Variants in XPO4 observed in about 807,000 individuals in gnomAD.
XPO4 encodes the protein exportin-4.
XPO4 carries 39 observed loss-of-function variants against 143.0 expected under a neutral mutation model. The ratio of observed to expected loss-of-function variants is 0.27; its 90% CI spans 0.21 to 0.36. XPO4 has a LOEUF of 0.36. Among genes scored for constraint, XPO4 ranks in the 10% least tolerant of loss-of-function variants. The pLI is 1.00. For synonymous variants in XPO4, 439 were observed against 474.0 expected, an observed-to-expected ratio of 0.93 and a Z score of 0.96; for missense variants, 907 against 1,348.0, an observed-to-expected ratio of 0.67 and a Z score of 5.12.
At chr13:20,814,781 T>C (rs1307975771) in intron 9 of XPO4, among the ~76,000 whole-genome samples, 2 of 152,198 alleles carry the variant, frequency 1.3e-5, no homozygotes, top group East Asian at 3.8e-4. Context: ...TTGACCCCAC[T>C]TTACTCCATC....
chr13:20,832,373 C>T (rs1223877022), intron 6 of XPO4, among the ~76,000 whole-genome samples: 4 of 152,146 alleles, frequency 2.6e-5, no homozygotes, highest in East Asian at 1.9e-4. Flanking sequence ...GTAAGGGTAT[C>T]GTTTTGTGAT....
rs955953026 is a variant in XPO4 at position 20,778,576 on chromosome 13, G to A, written c.*5146C>T. 6.6e-6 allele frequency: 1 copy of A among 152,056 alleles called. No individual in the cohort carries two copies. The highest frequency in any genetic ancestry group is 1.5e-5 in the Non-Finnish European group (1 of 67,988). The allele number at this position is 152,056 out of a possible 1,614,324, so 9.4% of individuals were successfully genotyped here. On this transcript the variant is annotated 3_prime_UTR_variant, in exon 23 of 23. Coordinates refer to ENST00000255305, the MANE Select transcript of XPO4 (RefSeq NM_022459.5). ...AGATAATGACTTAACTAGTAACTGTGAAACTGTTTCTAAGACTGTGGGCTG... is the reference window on the plus strand; with the variant it reads ...AGATAATGACTTAACTAGTAACTGTAAAACTGTTTCTAAGACTGTGGGCTG...
chr13:20,819,416 C>T (rs1287974320), intron 9 of XPO4, among the ~76,000 whole-genome samples: 1 of 152,082 alleles, frequency 6.6e-6, no homozygotes, highest in Non-Finnish European at 1.5e-5. Context: ...AATCCTAGCA[C>T]TTTGGGAGGC....
chr13:20,886,300 T>A (rs1459280403), intron 1 of XPO4, among the ~76,000 whole-genome samples: 1 of 147,332 alleles, frequency 6.8e-6, no homozygotes, highest in African/African-American at 2.5e-5. Flanking sequence ...TGAAAAAAAA[T>A]CATAATGGAA....
intron 9 of XPO4, among the ~76,000 whole-genome samples, chr13:20,811,544 T>TC (rs534260353): frequency 1.2e-3 from 176 of 152,192 alleles, no homozygotes; most frequent in African/African-American, 4.0e-3. Context: ...TGCCTCAGTC[T>TC]CCCAAAGTGC....
At chr13:20,799,608 G>C (rs941130961) in intron 15 of XPO4, among the ~76,000 whole-genome samples, 1 of 152,128 alleles carries the variant, frequency 6.6e-6, no homozygotes, top group Admixed American at 6.5e-5. Context: ...TCCTGGGGCT[G>C]AGACTGATAT....
At chr13:20,895,060 C>T (rs2181885) in intron 1 of XPO4, among the ~76,000 whole-genome samples, 55,473 of 151,368 alleles carry the variant, frequency 0.37, 11,553 homozygotes, top group Non-Finnish European at 0.48. Context: ...CACCTGTAGT[C>T]CCAGCTACTC....
chr13:20,836,771 G>A (rs2059921959), intron 6 of XPO4, among the ~76,000 whole-genome samples: 1 of 152,216 alleles, frequency 6.6e-6, no homozygotes, highest in Non-Finnish European at 1.5e-5. Context: ...GATCTAATCT[G>A]AGAACATTTC....
intron 5 of XPO4, 45 bp downstream of exon 5, chr13:20,843,725 G>A (rs1365976212): frequency 1.5e-6 from 2 of 1,345,884 alleles, no homozygotes; most frequent in East Asian, 4.6e-5. Flanking sequence ...TGAGTAAAAA[G>A]TGAATGATCC....
At position 20,778,653 on chromosome 13, in the gene XPO4, A is replaced by C. The variant is rs2059107599; in HGVS notation, c.*5069T>G. 1 of 152,220 alleles carries C rather than the reference A, an allele frequency of 6.6e-6. No homozygotes were observed. Among genetic ancestry groups the C allele is most frequent in the Admixed American group, 6.5e-5 (1 of 15,292 alleles). The allele number at this position is 152,220 out of a possible 1,614,324, so 9.4% of individuals were successfully genotyped here. On this transcript the variant is annotated 3_prime_UTR_variant, in exon 23 of 23. Transcript: ENST00000255305. ...AATTTTTATATTTCTAATACTGGAT[A>C]TTCTGTGAGTACCACGGGTTCTCCC...
At chr13:20,893,787 A>G (rs763580309) in intron 1 of XPO4, among the ~76,000 whole-genome samples, 8 of 151,520 alleles carry the variant, frequency 5.3e-5, no homozygotes, top group Non-Finnish European at 8.8e-5. Context: ...AAAAAGAAAG[A>G]AACATGGCCT....
intron 13 of XPO4, among the ~76,000 whole-genome samples, chr13:20,802,023 C>A (rs1179131985): frequency 6.6e-6 from 1 of 152,102 alleles, no homozygotes; most frequent in Non-Finnish European, 1.5e-5. Flanking sequence ...TTCTTTAAAT[C>A]AGGAGGTTTT....
At chr13:20,852,908 C>T (rs1346451667) in intron 4 of XPO4, 1 of 985,152 alleles carries the variant, frequency 1.0e-6, no homozygotes, top group Non-Finnish European at 1.2e-6. Flanking sequence ...GTGGGATTAC[C>T]ACTACTTATC....
intron 1 of XPO4, among the ~76,000 whole-genome samples, chr13:20,900,262 T>C (rs1316042220): frequency 3.3e-5 from 5 of 152,024 alleles, no homozygotes; most frequent in East Asian, 1.9e-4. Flanking sequence ...TACATACCTG[T>C]AGTCCCAGCT....
At chr13:20,823,669 G>A (rs751051780) in intron 7 of XPO4, among the ~76,000 whole-genome samples, 27 of 149,472 alleles carry the variant, frequency 1.8e-4, no homozygotes, top group Non-Finnish European at 3.0e-4. Flanking sequence ...TTTTTCCCCC[G>A]AAACAGAGTT....
intron 4 of XPO4, chr13:20,853,049 T>C: frequency 1.0e-6 from 1 of 985,246 alleles, no homozygotes; most frequent in Non-Finnish European, 1.2e-6. Flanking sequence ...TAGCTTCCCA[T>C]GGCCAGCCGT....
intron 6 of XPO4, among the ~76,000 whole-genome samples, chr13:20,831,867 AG>A: frequency 6.9e-6 from 1 of 145,142 alleles, no homozygotes. Flanking sequence ...CCTCTTAGCA[AG>A]GGTTCCGGCA....
In XPO4 at chr13:20,777,693, A is replaced by C. The variant is rs2059102009; in HGVS notation, c.*6029T>G. 1 of 152,238 alleles carries C rather than the reference A, an allele frequency of 6.6e-6. No homozygotes were observed. The highest frequency in any genetic ancestry group is 1.5e-5 in the Non-Finnish European group (1 of 68,032). 9.4% of individuals were successfully genotyped at this position (152,238 alleles called of 1,614,324 possible). On this transcript the variant is annotated 3_prime_UTR_variant, in exon 23 of 23. Coordinates refer to ENST00000255305, the MANE Select transcript of XPO4 (RefSeq NM_022459.5). ...AATGAACATTATCAAAACAAGAACA[A>C]AACTGCTCACTACTGTGGGAATAAA... is the stretch of plus-strand genomic sequence containing the variant.
At chr13:20,823,668 C>T (rs925978658) in intron 7 of XPO4, among the ~76,000 whole-genome samples, 3 of 151,312 alleles carry the variant, frequency 2.0e-5, no homozygotes, top group Admixed American at 6.6e-5. Flanking sequence ...TTTTTTCCCC[C>T]GAAACAGAGT....
Sources: gnomAD v4.1 joint callset for allele counts (sites outside exome capture counted in the v4.1 genomes callset) on GRCh38, gnomAD v4.1.1 for gene constraint, MANE v1.5 for transcripts, NCBI Gene and HGNC (gene_info 2026-07-23, HGNC 2026-07-21) for gene names.